The following SCD5 variants were observed in gnomAD, a reference collection of about 807,000 sequenced individuals.
SCD5 encodes acyl-CoA-desaturase 4.
Under a neutral mutation model 30.4 loss-of-function variants are expected in SCD5, and 20 were observed. The ratio of observed to expected loss-of-function variants is 0.66; its 90% CI spans 0.46 to 0.96. The LOEUF (loss-of-function observed/expected upper bound fraction) is 0.96, where lower values mean the gene tolerates loss of function less well. SCD5 is among the 40% of genes least tolerant of loss of function. SCD5 has a pLI of 0.00. For synonymous variants in SCD5, 173 were observed against 176.4 expected, an observed-to-expected ratio of 0.98 and a Z score of 0.16; for missense variants, 381 against 443.3, an observed-to-expected ratio of 0.86 and a Z score of 1.26.
chr4:82,749,473 C>G lies in SCD5; in HGVS notation c.233-44060G>C, dbSNP rs141080564. Reference sequence around the variant, plus strand: ...TTTTTAGATCAAAATAATGAATATACCAATTTGGGATATTTTGGGATGGCA... The same window carrying G: ...TTTTTAGATCAAAATAATGAATATAGCAATTTGGGATATTTTGGGATGGCA... On this transcript the variant is annotated intron_variant, in intron 1 of 4. Transcript: ENST00000319540. Among the ~76,000 whole-genome samples, 205 of 152,292 alleles carry G rather than the reference C, an allele frequency of 1.3e-3. 1 individual carries two copies. Among genetic ancestry groups the G allele is most frequent in the African/African-American group, 4.9e-3 (204 of 41,558 alleles).
intron 1 of SCD5, among the ~76,000 whole-genome samples, chr4:82,754,142 A>G (rs1721173645): frequency 6.6e-6 from 1 of 152,130 alleles, no homozygotes; most frequent in Non-Finnish European, 1.5e-5. Context: ...GTGGAGGAAA[A>G]CTTATCTCCC....
In SCD5 at chr4:82,727,203, G is replaced by A. The variant is rs114375389; in HGVS notation, c.233-21790C>T. Among the ~76,000 whole-genome samples, 1,443 of 152,256 alleles carry A rather than the reference G, an allele frequency of 9.5e-3. 15 individuals carry two copies. The highest frequency in any genetic ancestry group is 0.033 in the African/African-American group (1,372 of 41,556). On this transcript the variant is annotated intron_variant, in intron 1 of 4. Coordinates refer to ENST00000319540, the MANE Select transcript of SCD5 (RefSeq NM_001037582.3). ...TTGACTTTAGGATGTAAGGGGATTC[G>A]GGTGTAACAATGATATGCAGTGGAC...
At chr4:82,686,514 G>A (rs189233988) in intron 2 of SCD5, among the ~76,000 whole-genome samples, 17 of 152,310 alleles carry the variant, frequency 1.1e-4, no homozygotes, top group Non-Finnish European at 2.4e-4. Flanking sequence ...AATCATGGTT[G>A]TGTTCAGAGA....
intron 1 of SCD5, among the ~76,000 whole-genome samples, chr4:82,761,639 T>C (rs1312450139): frequency 6.6e-6 from 1 of 152,052 alleles, no homozygotes; most frequent in Non-Finnish European, 1.5e-5. Context: ...TGCAGGTTAG[T>C]TACATATGTA....
rs149034474 is a variant in SCD5 at position 82,658,044 on chromosome 4, G to C, written c.570-21221C>G. Among the ~76,000 whole-genome samples the C allele has an allele frequency of 4.5e-4, 68 of 152,300 alleles. No individual in the cohort carries two copies. In the East Asian group the frequency reaches 0.012, roughly 26 times the overall value. ...TATACAATCATGTCATCTGCAAACA[G>C]AGACAATTTGACTTCCTCTCTTCCT... On this transcript the variant is annotated intron_variant, in intron 3 of 4. Transcript: ENST00000319540.
Position 82,747,069 on chromosome 4 carries a change from G to GCC in SCD5, c.233-41658_233-41657dup, listed in dbSNP as rs151046123. On this transcript the variant is annotated intron_variant, in intron 1 of 4. Transcript: ENST00000319540. ...AGTTAGAGAAAAGTCTGGGCAACCT[G>GCC]CCCCCCAAGAAAGACGACCTTCCCA... Among the ~76,000 whole-genome samples the GCC allele has an allele frequency of 5.7e-5, 8 of 139,698 alleles. 1 individual carries two copies. Among genetic ancestry groups the GCC allele is most frequent in the African/African-American group, 1.0e-4 (4 of 40,036 alleles). The allele number at this position is 139,698 out of a possible 152,430, so 91.6% of individuals were successfully genotyped here. A position where few individuals can be genotyped will look rare whatever the true frequency, so the allele number is the denominator to read the frequency against.
intron 1 of SCD5, among the ~76,000 whole-genome samples, chr4:82,756,658 AC>A (rs1403591263): frequency 3.8e-5 from 2 of 52,934 alleles, no homozygotes; most frequent in Admixed American, 2.4e-4. Context: ...TTCCTCCCCC[AC>A]CCCCCTCCCC....
At chr4:82,678,973 G>C (rs1728492831) in intron 3 of SCD5, among the ~76,000 whole-genome samples, 1 of 151,838 alleles carries the variant, frequency 6.6e-6, no homozygotes, top group Non-Finnish European at 1.5e-5. Context: ...AGGCCGAGGA[G>C]GATCACTTGA....
At chr4:82,681,046 T>C in intron 2 of SCD5, 134 bp from the exon 3 acceptor site, 1 of 685,522 alleles carries the variant, frequency 1.5e-6, no homozygotes, top group Non-Finnish European at 2.5e-6. Flanking sequence ...CAACCCACAG[T>C]CCCTCAACCT....
At chr4:82,787,343 C>G (rs538008479) in intron 1 of SCD5, among the ~76,000 whole-genome samples, 61 of 151,644 alleles carry the variant, frequency 4.0e-4, no homozygotes, top group African/African-American at 1.5e-3. Context: ...GTTCCAGGAA[C>G]CCTCCCACAA....
intron 1 of SCD5, among the ~76,000 whole-genome samples, chr4:82,748,227 A>C (rs932878180): frequency 5.9e-5 from 9 of 152,154 alleles, no homozygotes; most frequent in Non-Finnish European, 1.0e-4. Flanking sequence ...GAAACGATGA[A>C]AAGGGCCCAT....
intron 1 of SCD5, among the ~76,000 whole-genome samples, chr4:82,728,246 T>G (rs115750472): frequency 0.01 from 1,559 of 152,338 alleles, 27 homozygotes; most frequent in African/African-American, 0.036. Context: ...GCTTCTGACC[T>G]CCAAGCTACC....
intron 1 of SCD5, among the ~76,000 whole-genome samples, chr4:82,769,331 T>C (rs1299079891): frequency 6.6e-6 from 1 of 152,216 alleles, no homozygotes; most frequent in East Asian, 1.9e-4. Flanking sequence ...AGGACTCTCA[T>C]GGTTAATAAA....
chr4:82,667,843 T>A (rs181971814), intron 3 of SCD5, among the ~76,000 whole-genome samples: 2 of 152,274 alleles, frequency 1.3e-5, no homozygotes, highest in Admixed American at 1.3e-4. Context: ...GGATAAGATG[T>A]AGTGGTTTGA....
intron 1 of SCD5, among the ~76,000 whole-genome samples, chr4:82,758,943 C>G (rs1308096025): frequency 6.6e-6 from 1 of 152,224 alleles, no homozygotes; most frequent in African/African-American, 2.4e-5. Context: ...ACAACAAGCA[C>G]ATCCCCTTAC....
At chr4:82,654,782 G>T (rs1254525473) in intron 3 of SCD5, among the ~76,000 whole-genome samples, 1 of 152,208 alleles carries the variant, frequency 6.6e-6, no homozygotes, top group Non-Finnish European at 1.5e-5. Flanking sequence ...AAGGCTGGAT[G>T]TCTGGGCATC....
At chr4:82,794,612 T>G (rs1372032714) in intron 1 of SCD5, among the ~76,000 whole-genome samples, 1 of 152,116 alleles carries the variant, frequency 6.6e-6, no homozygotes, top group Non-Finnish European at 1.5e-5. Flanking sequence ...AGCCTTCAGA[T>G]GCAGGTTTTT....
intron 3 of SCD5, chr4:82,661,130 A>G: frequency 4.6e-6 from 7 of 1,524,556 alleles, no homozygotes; most frequent in Non-Finnish European, 5.4e-6. Context: ...TTGTTCAGCA[A>G]GGGTTTAATT....
At chr4:82,689,471 C>T (rs1728785171) in intron 2 of SCD5, among the ~76,000 whole-genome samples, 1 of 152,090 alleles carries the variant, frequency 6.6e-6, no homozygotes, top group South Asian at 2.1e-4. Context: ...TGAATAATGA[C>T]AGTAATGGAT....
Sources: gnomAD v4.1 joint callset for allele counts (sites outside exome capture counted in the v4.1 genomes callset) on GRCh38, gnomAD v4.1.1 for gene constraint, MANE v1.5 for transcripts, NCBI Gene and HGNC (gene_info 2026-07-23, HGNC 2026-07-21) for gene names.